GALNT11: variants seen among roughly 807,000 people sequenced by gnomAD.
The protein encoded by GALNT11 is polypeptide N-acetylgalactosaminyltransferase 11.
In GALNT11, 47 loss-of-function variants were observed where a neutral mutation model predicts 72.7. The observed-to-expected ratio is 0.65, with a 90% CI of 0.51 to 0.82. The LOEUF (loss-of-function observed/expected upper bound fraction) is 0.82, where lower values mean the gene tolerates loss of function less well. Among genes scored for constraint, GALNT11 ranks in the 40% least tolerant of loss-of-function variants. The probability of loss-of-function intolerance (pLI) is 0.00; values close to 1 mark genes in which losing one functional copy is unlikely to be tolerated. For missense variants in GALNT11, 677 were observed against 778.4 expected (o/e 0.87, Z 1.55); for synonymous variants, 270 against 286.6 (o/e 0.94, Z 0.58).
At position 152,101,644 on chromosome 7, in the gene GALNT11, G is replaced by T. The variant is rs915092958; in HGVS notation, c.419+723G>T. Among the ~76,000 whole-genome samples the T allele has an allele frequency of 6.7e-3, 831 of 123,346 alleles. 22 individuals are homozygous for T. The highest frequency in any genetic ancestry group is 0.027 in the African/African-American group (798 of 29,984). The allele number at this position is 123,346 out of a possible 152,430, so 80.9% of individuals were successfully genotyped here. On this transcript the variant is annotated intron_variant, in intron 3 of 11. Coordinates refer to ENST00000430044, the MANE Select transcript of GALNT11 (RefSeq NM_022087.4). ...TCTCTAAGTTCATGGCTTTTTTTTG[G>T]GGGGGGGGGGATGGAGTCTTTCTCT...
chr7:152,089,412 C>T (rs1306270931), intron 1 of GALNT11, among the ~76,000 whole-genome samples: 3 of 152,224 alleles, frequency 2.0e-5, no homozygotes, highest in Non-Finnish European at 4.4e-5. Flanking sequence ...GTGCTCATCG[C>T]AGTTGGAACA....
chr7:152,032,251 T>C (rs191618864), intron 1 of GALNT11, among the ~76,000 whole-genome samples: 208 of 152,258 alleles, frequency 1.4e-3, no homozygotes, highest in African/African-American at 4.8e-3. Context: ...CCCTAAACCC[T>C]TGGGGCAAGA....
At chr7:152,057,004 ATTTTTTT>A (rs71198754) in intron 1 of GALNT11, among the ~76,000 whole-genome samples, 2 of 74,920 alleles carry the variant, frequency 2.7e-5, no homozygotes, top group East Asian at 3.9e-4. Flanking sequence ...ATGCCCAGCT[ATTTTTTT>A]TTTTTTTTTT....
chr7:152,051,390 A>C (rs1414968396), intron 1 of GALNT11, among the ~76,000 whole-genome samples: 1 of 152,044 alleles, frequency 6.6e-6, no homozygotes, highest in African/African-American at 2.4e-5. Flanking sequence ...TGGGATAAAT[A>C]GAAAAATATC....
At chr7:152,043,133 T>G (rs1011260422) in intron 1 of GALNT11, among the ~76,000 whole-genome samples, 4 of 152,242 alleles carry the variant, frequency 2.6e-5, no homozygotes, top group Non-Finnish European at 4.4e-5. Context: ...AGCTGTGCTA[T>G]ATGGTCTCCA....
At chr7:152,095,966 A>G (rs1238193064) in intron 2 of GALNT11, among the ~76,000 whole-genome samples, 2 of 152,210 alleles carry the variant, frequency 1.3e-5, no homozygotes, top group Non-Finnish European at 2.9e-5. Context: ...TTGCATTTTT[A>G]TACTGTAGCA....
chr7:152,042,299 T>C (rs1460920770), intron 1 of GALNT11, among the ~76,000 whole-genome samples: 1 of 146,566 alleles, frequency 6.8e-6, no homozygotes, highest in African/African-American at 2.8e-5. Context: ...TTGGCTGTAA[T>C]GTCCCCATAG....
At chr7:152,097,583 G>C (rs2086472937) in intron 2 of GALNT11, among the ~76,000 whole-genome samples, 1 of 152,216 alleles carries the variant, frequency 6.6e-6, no homozygotes, top group South Asian at 2.1e-4. Flanking sequence ...TAGACAGAAG[G>C]TGACAACATG....
intron 1 of GALNT11, among the ~76,000 whole-genome samples, chr7:152,086,718 C>T (rs1013230886): frequency 6.6e-6 from 1 of 152,134 alleles, no homozygotes; most frequent in Non-Finnish European, 1.5e-5. Flanking sequence ...AAGAGTGAAC[C>T]TAAGGAAAGT....
chr7:152,117,181 G>T lies in GALNT11; in HGVS notation c.1258G>T (p.Asp420Tyr). The T allele has an allele frequency of 6.2e-7, 1 of 1,610,750 alleles. No individual in the cohort carries two copies. Among genetic ancestry groups the T allele is most frequent in the African/African-American group, 1.3e-5 (1 of 74,814 alleles). ...GGAGCAGTATTTTTCCTTAAGACCTGACCTGAAGACGAAAAGCTATGGCAA... is the reference window on the plus strand; with the variant it reads ...GGAGCAGTATTTTTCCTTAAGACCTTACCTGAAGACGAAAAGCTATGGCAA... ...YKEQYFSLRP[D>Y]LKTKSYGNIS... is the part of the protein sequence containing the mutation. The change falls in exon 9 of 12, where the codon GAC (aspartate) becomes TAC (tyrosine). Residue 420 changes from aspartate (D) to tyrosine (Y), a missense_variant. Physicochemically the swap from Asp to Tyr is radical, Grantham distance 160. Coordinates refer to ENST00000430044, the MANE Select transcript of GALNT11 (RefSeq NM_022087.4).
intron 1 of GALNT11, among the ~76,000 whole-genome samples, chr7:152,027,360 A>G (rs749563533): frequency 2.3e-4 from 35 of 152,238 alleles, no homozygotes; most frequent in Non-Finnish European, 5.0e-4. Flanking sequence ...TAAGCAGGGT[A>G]TCCATCTTCT....
chr7:152,073,901 T>C (rs910290399), intron 1 of GALNT11, among the ~76,000 whole-genome samples: 2 of 152,236 alleles, frequency 1.3e-5, no homozygotes, highest in African/African-American at 4.8e-5. Flanking sequence ...TGATGATTTG[T>C]GATAAGTGAA....
At chr7:152,113,154 T>C in intron 7 of GALNT11, 92 bp from the exon 8 acceptor site, 1 of 1,353,198 alleles carries the variant, frequency 7.4e-7, no homozygotes, top group Non-Finnish European at 1.0e-6. Context: ...CATAAACACC[T>C]ATTGAATAAA....
intron 7 of GALNT11, among the ~76,000 whole-genome samples, chr7:152,111,524 C>T (rs977832317): frequency 8.5e-5 from 13 of 152,134 alleles, no homozygotes; most frequent in Non-Finnish European, 1.6e-4. Context: ...GTGCACTCAT[C>T]ACCAGAGTAA....
intron 1 of GALNT11, among the ~76,000 whole-genome samples, chr7:152,073,244 C>T (rs2084767582): frequency 6.6e-6 from 1 of 152,186 alleles, no homozygotes; most frequent in Admixed American, 6.5e-5. Context: ...ACCAGTAGAA[C>T]TTATTCCTCC....
At position 152,118,681 on chromosome 7, in the gene GALNT11, T is replaced by TATCA. The variant is rs1266991738; in HGVS notation, c.1457_1460dup (p.His487GlnfsTer25). 2 of 1,608,640 alleles carry TATCA rather than the reference T, an allele frequency of 1.2e-6. No homozygotes were observed. The highest frequency in any genetic ancestry group is 1.7e-6 in the Non-Finnish European group (2 of 1,177,842). ...TGAGCTGTGCCTTCTCTTACAGCTC[T>TATCA]ATCACCTCCAGACCAACAAATGCCT... On this transcript the variant is annotated frameshift_variant, in exon 10 of 12. Transcript: ENST00000430044. LOFTEE classifies it high-confidence loss of function.
intron 1 of GALNT11, among the ~76,000 whole-genome samples, chr7:152,069,698 T>C (rs1379328258): frequency 6.6e-6 from 1 of 152,220 alleles, no homozygotes; most frequent in East Asian, 1.9e-4. Flanking sequence ...AAAATCTGTT[T>C]TGTCTGCAGT....
intron 8 of GALNT11, among the ~76,000 whole-genome samples, chr7:152,116,392 A>T (rs2088855278): frequency 6.6e-6 from 1 of 151,786 alleles, no homozygotes; most frequent in African/African-American, 2.4e-5. Flanking sequence ...ATGCGCCACC[A>T]CTCCCAACTA....
intron 1 of GALNT11, among the ~76,000 whole-genome samples, chr7:152,033,916 TG>T (rs1411629727): frequency 1.3e-5 from 2 of 152,206 alleles, no homozygotes; most frequent in African/African-American, 4.8e-5. Context: ...ATTAAAGGCC[TG>T]GGTTTGATCT....
Sources: allele counts gnomAD v4.1 joint callset (sites outside exome capture counted in the v4.1 genomes callset), GRCh38; gene constraint gnomAD v4.1.1; transcripts MANE v1.5; gene names NCBI Gene and HGNC (gene_info 2026-07-23, HGNC 2026-07-21).